The following PRH1 variants were observed in gnomAD, a reference collection of about 807,000 sequenced individuals.
PRH1 encodes the protein proline rich protein HaeIII subfamily 1.
Under a neutral mutation model 7.9 loss-of-function variants are expected in PRH1, and 7 were observed. The observed-to-expected ratio is 0.89, with a 90% CI of 0.50 to 1.67. The LOEUF is 1.67. PRH1 is among the 40% of genes most tolerant of loss of function. The pLI is 0.00. For missense variants in PRH1, 109 were observed against 223.6 expected (o/e 0.49, Z 3.27); for synonymous variants, 45 against 80.8 (o/e 0.56, Z 2.38).
intron 1 of PRH1, among the ~76,000 whole-genome samples, chr12:10,992,685 T>C (rs1940000111): frequency 6.6e-6 from 1 of 152,176 alleles, no homozygotes; most frequent in Non-Finnish European, 1.5e-5. Flanking sequence ...ATTGTTTGGA[T>C]TACAGGTGTG....
chr12:11,084,609 G>A (rs1268786918), intron 1 of PRH1, among the ~76,000 whole-genome samples: 1 of 136,306 alleles, frequency 7.3e-6, no homozygotes, highest in African/African-American at 2.6e-5. Flanking sequence ...AGTAACATCA[G>A]AATAATTTTT....
In PRH1 at chr12:11,022,713, G is replaced by A. The variant is rs185735911; in HGVS notation, c.-126+24307C>T. 8.7e-5 allele frequency: 55 copies of A among 630,952 alleles called. No homozygotes were observed. In the Middle Eastern group the frequency reaches 1.0e-3, roughly 12 times the overall value. The allele number at this position is 630,952 out of a possible 1,614,324, so 39.1% of individuals were successfully genotyped here. A position where few individuals can be genotyped will look rare whatever the true frequency, so the allele number is the denominator to read the frequency against. Reference sequence around the variant, plus strand: ...TAAATTCAGTGACTAGTGTCAACAGGCAAGCACCAGCATATGCTAATAGAT... The same window carrying A: ...TAAATTCAGTGACTAGTGTCAACAGACAAGCACCAGCATATGCTAATAGAT... On this transcript the variant is annotated intron_variant, in intron 1 of 3. Coordinates refer to the PRH1 transcript ENST00000539853.
intron 1 of PRH1, among the ~76,000 whole-genome samples, chr12:10,985,467 C>A (rs1203104249): frequency 6.6e-6 from 1 of 152,024 alleles, no homozygotes; most frequent in Non-Finnish European, 1.5e-5. Flanking sequence ...ATTGAGTGTG[C>A]TTACTATCAA....
chr12:10,947,798 C>G (rs543029569), intron 2 of PRH1, among the ~76,000 whole-genome samples: 2 of 152,144 alleles, frequency 1.3e-5, no homozygotes, highest in South Asian at 2.1e-4. Context: ...GTGCCGCTTT[C>G]AAGATCTCTT....
intron 2 of PRH1, among the ~76,000 whole-genome samples, chr12:10,889,961 G>C (rs918720610): frequency 6.6e-6 from 1 of 152,060 alleles, no homozygotes; most frequent in African/African-American, 2.4e-5. Flanking sequence ...AACAGCTCCT[G>C]TAAAGTCTTT....
chr12:10,984,137 A>G (rs1222980111), intron 1 of PRH1, among the ~76,000 whole-genome samples: 1 of 152,182 alleles, frequency 6.6e-6, no homozygotes, highest in Admixed American at 6.5e-5. Flanking sequence ...CCAGCTGGAA[A>G]TATCACAATA....
chr12:10,915,163 C>T (rs1317552140), intron 2 of PRH1, among the ~76,000 whole-genome samples: 2 of 152,044 alleles, frequency 1.3e-5, no homozygotes, highest in Admixed American at 1.3e-4. Flanking sequence ...AAAAACTCAG[C>T]CTTAAGACTA....
intron 1 of PRH1, among the ~76,000 whole-genome samples, chr12:11,019,501 G>A (rs570917142): frequency 7.4e-4 from 113 of 152,350 alleles, no homozygotes; most frequent in African/African-American, 2.7e-3. Context: ...TTTTCCATGC[G>A]TTTATAACAT....
At chr12:11,167,768 A>G (rs1415856853) in intron 1 of PRH1, among the ~76,000 whole-genome samples, 1 of 152,192 alleles carries the variant, frequency 6.6e-6, no homozygotes, top group African/African-American at 2.4e-5. Flanking sequence ...GCTCAAAATA[A>G]ATTATGACTT....
At chr12:10,938,381 T>C in intron 2 of PRH1, 1 of 1,613,824 alleles carries the variant, frequency 6.2e-7, no homozygotes, top group Non-Finnish European at 8.5e-7. Context: ...AACACATGAG[T>C]GACATGAAGG....
At chr12:10,962,384 A>T (rs916957016) in intron 2 of PRH1, among the ~76,000 whole-genome samples, 25 of 152,186 alleles carry the variant, frequency 1.6e-4, no homozygotes, top group Non-Finnish European at 3.7e-4. Flanking sequence ...AAAGTCTTTT[A>T]TATGCTGTTT....
chr12:11,061,645 T>C, intron 1 of PRH1: 1 of 1,612,820 alleles, frequency 6.2e-7, no homozygotes, highest in Non-Finnish European at 8.5e-7. Context: ...GCTGGGATCT[T>C]GAGATCCTTT....
At chr12:10,952,034 A>G (rs944226625) in intron 2 of PRH1, among the ~76,000 whole-genome samples, 2 of 152,206 alleles carry the variant, frequency 1.3e-5, no homozygotes, top group African/African-American at 4.8e-5. Context: ...TTAAATGCAG[A>G]TGATAATAAT....
At chr12:11,037,459 A>C (rs1942482414) in intron 1 of PRH1, among the ~76,000 whole-genome samples, 1 of 152,248 alleles carries the variant, frequency 6.6e-6, no homozygotes, top group Non-Finnish European at 1.5e-5. Flanking sequence ...ACAGGTGTAC[A>C]TGTGAATAGT....
At chr12:10,964,720 G>T (rs977759428) in intron 2 of PRH1, 20 of 667,388 alleles carry the variant, frequency 3.0e-5, no homozygotes, top group Non-Finnish European at 4.3e-5. Context: ...CTTTGCCATG[G>T]AACTGCATCT....
chr12:10,922,960 C>T (rs1323704716), intron 2 of PRH1, among the ~76,000 whole-genome samples: 1 of 149,354 alleles, frequency 6.7e-6, no homozygotes, highest in Non-Finnish European at 1.5e-5. Context: ...TCCCGAGTAG[C>T]TGGGACTACA....
intron 1 of PRH1, among the ~76,000 whole-genome samples, chr12:11,020,266 GC>G (rs1176660842): frequency 2.0e-5 from 3 of 152,030 alleles, no homozygotes; most frequent in Non-Finnish European, 4.4e-5. Flanking sequence ...TATTCTTTGT[GC>G]TGGCTTTTAG....
intron 2 of PRH1, among the ~76,000 whole-genome samples, chr12:10,961,571 C>G (rs1407534307): frequency 7.0e-6 from 1 of 143,696 alleles, no homozygotes; most frequent in African/African-American, 3.0e-5. Context: ...TCCTCAGATT[C>G]CCTTAACTGT....
rs564532756 is a variant in PRH1 at position 11,056,872 on chromosome 12, T to A, written n.124-9684A>T. On this transcript the variant is annotated intron_variant and non_coding_transcript_variant, in intron 1 of 4. Transcript: ENST00000541977. ...TAATAAATCTGTCTTTGGCTAGTTT[T>A]CTTATGAGTTAACATACTATTTGTA... Among the ~76,000 whole-genome samples the A allele has an allele frequency of 4.6e-4, 42 of 90,374 alleles. No homozygotes were observed. The South Asian group carries it at 0.015, about 33-fold the overall frequency. 59.3% of individuals were successfully genotyped at this position (90,374 alleles called of 152,430 possible).
Sources: gnomAD v4.1 joint callset for allele counts (sites outside exome capture counted in the v4.1 genomes callset) on GRCh38, gnomAD v4.1.1 for gene constraint, MANE v1.5 for transcripts, NCBI Gene and HGNC (gene_info 2026-07-23, HGNC 2026-07-21) for gene names.